Variants in MORN5 observed in about 807,000 individuals in gnomAD.
MORN5 encodes MORN repeat containing 5.
In MORN5, 21 loss-of-function variants were observed where a neutral mutation model predicts 22.1. That is an observed-to-expected ratio of 0.95 (90% CI 0.67 to 1.37). The LOEUF (loss-of-function observed/expected upper bound fraction) is 1.37, where lower values mean the gene tolerates loss of function less well. MORN5 is among the 40% of genes most tolerant of loss of function. MORN5 has a pLI of 0.00. For missense variants in MORN5, 211 were observed against 215.1 expected, an observed-to-expected ratio of 0.98 and a Z score of 0.12; for synonymous variants, 73 against 74.0, an observed-to-expected ratio of 0.99 and a Z score of 0.07.
intron 4 of MORN5, among the ~76,000 whole-genome samples, chr9:122,188,419 TC>T (rs1198671544): frequency 2.0e-5 from 3 of 152,260 alleles, no homozygotes; most frequent in African/African-American, 7.2e-5. Flanking sequence ...GTCACAGACT[TC>T]TGCAGATTCC....
chr9:122,163,143 G>A (rs541337421), intron 1 of MORN5, among the ~76,000 whole-genome samples: 1 of 152,220 alleles, frequency 6.6e-6, no homozygotes, highest in African/African-American at 2.4e-5. Context: ...CCACTCCAAA[G>A]CACCACAAGG....
chr9:122,163,762 C>T (rs574676824), intron 1 of MORN5, among the ~76,000 whole-genome samples: 2 of 152,268 alleles, frequency 1.3e-5, no homozygotes, highest in South Asian at 4.1e-4. Context: ...CTGATAGATC[C>T]TGGTAGGGCC....
At chr9:122,165,962 A>G (rs569419469) in intron 1 of MORN5, among the ~76,000 whole-genome samples, 1 of 152,296 alleles carries the variant, frequency 6.6e-6, no homozygotes, top group Admixed American at 6.5e-5. Context: ...TGGGTAATCT[A>G]TAAAGGAAAG....
At chr9:122,179,756 C>G (rs1003708690) in intron 4 of MORN5, among the ~76,000 whole-genome samples, 2 of 152,212 alleles carry the variant, frequency 1.3e-5, no homozygotes, top group African/African-American at 4.8e-5. Context: ...CTAGTCATTA[C>G]CCCTGACTCA....
intron 4 of MORN5, among the ~76,000 whole-genome samples, chr9:122,181,599 G>T (rs781329547): frequency 3.3e-5 from 5 of 152,170 alleles, no homozygotes; most frequent in Non-Finnish European, 5.9e-5. Flanking sequence ...AGGATCTCTT[G>T]CCCCACAGAG....
chr9:122,176,605 C>T (rs375312590), intron 4 of MORN5, among the ~76,000 whole-genome samples: 62 of 152,220 alleles, frequency 4.1e-4, no homozygotes, highest in African/African-American at 1.3e-3. Flanking sequence ...AGAGGCAGGA[C>T]GCCGTGGCTC....
intron 1 of MORN5, among the ~76,000 whole-genome samples, chr9:122,161,817 T>G (rs763582041): frequency 3.9e-5 from 6 of 152,188 alleles, no homozygotes; most frequent in Non-Finnish European, 5.9e-5. Context: ...TTCATTGGGT[T>G]TGTGTGCTGA....
intron 1 of MORN5, among the ~76,000 whole-genome samples, chr9:122,162,394 T>A (rs1241748884): frequency 6.6e-6 from 1 of 152,228 alleles, no homozygotes; most frequent in African/African-American, 2.4e-5. Flanking sequence ...CCATGGCTGA[T>A]AGGAACATCA....
intron 3 of MORN5, among the ~76,000 whole-genome samples, chr9:122,174,214 C>T (rs1034669092): frequency 2.6e-5 from 4 of 152,158 alleles, no homozygotes; most frequent in African/African-American, 9.7e-5. Context: ...AGAACCTGTG[C>T]CCTTTGTCAT....
chr9:122,185,390 T>C (rs78494819), intron 4 of MORN5, among the ~76,000 whole-genome samples: 5 of 10,434 alleles, frequency 4.8e-4, no homozygotes, highest in African/African-American at 2.9e-3. Flanking sequence ...GCCTGGCTAA[T>C]TTTTTTTTTT....
rs1181922832 is a variant in MORN5 at position 122,197,228 on chromosome 9, A to G, written c.440-2657A>G. 6.6e-6 allele frequency among the ~76,000 whole-genome samples: 1 copy of G among 151,570 alleles called. No individual in the cohort carries two copies. The highest frequency in any genetic ancestry group is 1.5e-5 in the Non-Finnish European group (1 of 68,006). ...AGTTGTGCCAAGGGTAATAATTTAC[A>G]ATTGATTAAAGAGTTTGTGGGGTGT... is the stretch of plus-strand genomic sequence containing the variant. On this transcript the variant is annotated intron_variant, in intron 4 of 4. Transcript: ENST00000373764. The surrounding 1 kb of genome is among the most constrained non-coding windows in gnomAD (Gnocchi z 5.7).
intron 1 of MORN5, among the ~76,000 whole-genome samples, chr9:122,163,746 G>C (rs891588020): frequency 5.3e-5 from 8 of 152,154 alleles, no homozygotes; most frequent in Admixed American, 4.6e-4. Context: ...GGTGGTGGAG[G>C]AACCACTGAT....
At chr9:122,168,314 C>T (rs1404119214) in intron 2 of MORN5, among the ~76,000 whole-genome samples, 1 of 152,188 alleles carries the variant, frequency 6.6e-6, no homozygotes, top group African/African-American at 2.4e-5. Context: ...ATTCTTACCC[C>T]CTGGTATTTG....
chr9:122,171,127 T>G (rs1026524596), intron 3 of MORN5, among the ~76,000 whole-genome samples: 11 of 152,170 alleles, frequency 7.2e-5, no homozygotes, highest in African/African-American at 2.7e-4. Context: ...TGAGCTGTGG[T>G]TGACAGAGCA....
chr9:122,181,089 C>T (rs1829531845), intron 4 of MORN5, among the ~76,000 whole-genome samples: 1 of 152,234 alleles, frequency 6.6e-6, no homozygotes, highest in Non-Finnish European at 1.5e-5. Flanking sequence ...TTTTTATGCA[C>T]ATCCAAGTTT....
Position 122,169,697 on chromosome 9 carries a change from A to T in MORN5, c.248A>T (p.Tyr83Phe). The T allele has an allele frequency of 6.2e-7, 1 of 1,614,150 alleles. No individual in the cohort carries two copies. Among genetic ancestry groups the T allele is most frequent in the African/African-American group, 1.3e-5 (1 of 75,036 alleles). The change falls in exon 3 of 5, where the codon TAC becomes TTC. Residue 83 changes from tyrosine to phenylalanine, a missense_variant. Transcript: ENST00000373764. ...GLHYDEKNWH[Y>F]CDGYDRRFYT... Reference sequence around the variant, plus strand: ...CACTATGATGAGAAAAACTGGCATTACTGCGACGGCTATGATCGGAGGTTT... The same window carrying T: ...CACTATGATGAGAAAAACTGGCATTTCTGCGACGGCTATGATCGGAGGTTT...
chr9:122,167,260 A>G (rs1438872086), intron 2 of MORN5, among the ~76,000 whole-genome samples: 1 of 145,846 alleles, frequency 6.9e-6, no homozygotes, highest in Non-Finnish European at 1.5e-5. Context: ...GTTTGCCAGG[A>G]TGGTCTCAGT....
chr9:122,174,978 A>G lies in MORN5; in HGVS notation c.439+351A>G. 6.4e-6 allele frequency: 4 copies of G among 620,312 alleles called. No homozygotes were observed. The South Asian group carries it at 2.1e-4, about 33-fold the overall frequency. The allele number at this position is 620,312 out of a possible 1,614,324, so 38.4% of individuals were successfully genotyped here. ...TGGGGGAAAAGCAGAGCAAAGCTGG[A>G]CACAGCCCCCCTTCCTTGTGGAGCT... On this transcript the variant is annotated intron_variant, in intron 4 of 4. Transcript: ENST00000373764.
intron 4 of MORN5, among the ~76,000 whole-genome samples, chr9:122,194,130 G>A (rs989124521): frequency 6.6e-6 from 1 of 152,144 alleles, no homozygotes; most frequent in Non-Finnish European, 1.5e-5. Flanking sequence ...GACATCTTTC[G>A]GCCCCAAAGA....
Sources: allele counts gnomAD v4.1 joint callset (sites outside exome capture counted in the v4.1 genomes callset), GRCh38; gene constraint gnomAD v4.1.1; non-coding constraint Gnocchi (gnomAD v3.1); transcripts MANE v1.5; gene names NCBI Gene and HGNC (gene_info 2026-07-23, HGNC 2026-07-21).